The following IFI16 variants were observed in gnomAD, a reference collection of about 807,000 sequenced individuals.
IFI16 encodes interferon gamma inducible protein 16, also known as gamma-interferon-inducible protein 16.
A neutral mutation model predicts 68.4 loss-of-function variants in IFI16; 49 were observed. That is an observed-to-expected ratio of 0.72 (90% CI 0.57 to 0.91). The LOEUF (loss-of-function observed/expected upper bound fraction) is 0.91, where lower values mean the gene tolerates loss of function less well. Among genes scored for constraint, IFI16 ranks in the 40% least tolerant of loss-of-function variants. The pLI, the probability that IFI16 is intolerant of heterozygous loss-of-function variation, is 0.00. For synonymous variants in IFI16, 307 were observed against 315.0 expected (o/e 0.97, Z 0.27); for missense variants, 878 against 942.9 (o/e 0.93, Z 0.90).
chr1:159,015,387 T>G (rs1418918374), intron 2 of IFI16, among the ~76,000 whole-genome samples: 2 of 152,196 alleles, frequency 1.3e-5, no homozygotes, highest in African/African-American at 4.8e-5. Context: ...AAGTGTGATC[T>G]CCTCTCTTGT....
chr1:159,026,439 C>G (rs1653674509), intron 6 of IFI16, among the ~76,000 whole-genome samples: 1 of 152,058 alleles, frequency 6.6e-6, no homozygotes, highest in South Asian at 2.1e-4. Context: ...GCTGGGATTA[C>G]AGGTGCTTGC....
Position 159,053,599 on chromosome 1 carries a change from G to C in IFI16, c.2152G>C (p.Val718Leu). 1 of 1,613,588 alleles carries C rather than the reference G, an allele frequency of 6.2e-7. No homozygotes were observed. Among genetic ancestry groups the C allele is most frequent in the Non-Finnish European group, 8.5e-7 (1 of 1,179,504 alleles). ...QDNTGKMEVV[V>L]HGRLTTINCE... Reference sequence around the variant, plus strand: ...TAATACAGGGAAGATGGAAGTGGTGGTGCATGGACGACTGACCACAATCAA... The same window carrying C: ...TAATACAGGGAAGATGGAAGTGGTGCTGCATGGACGACTGACCACAATCAA... The change falls in exon 11 of 12, where the codon GTG becomes CTG. Residue 718 changes from valine to leucine, a missense_variant. This residue lies in a region of IFI16 where 311 missense variants were observed against 305.1 expected (regional missense o/e 1.02). Coordinates refer to ENST00000295809, the MANE Select transcript of IFI16 (RefSeq NM_001376587.1).
At chr1:159,038,674 T>A (rs1654457861) in intron 7 of IFI16, among the ~76,000 whole-genome samples, 1 of 152,192 alleles carries the variant, frequency 6.6e-6, no homozygotes, top group Non-Finnish European at 1.5e-5. Flanking sequence ...GCTTAAATGT[T>A]CTTAAAGTCT....
Position 159,016,011 on chromosome 1 carries a change from G to T in IFI16, c.381+24G>T, listed in dbSNP as rs202135473. On this transcript the variant is annotated intron_variant, in intron 3 of 11. Transcript: ENST00000295809. ...AGGTAAGCTTCAGGAAGAGGAGCAGGCTTCAAGTCCCACAGAGGAAGCTCT... is the reference window on the plus strand; with the variant it reads ...AGGTAAGCTTCAGGAAGAGGAGCAGTCTTCAAGTCCCACAGAGGAAGCTCT... The T allele has an allele frequency of 2.0e-6, 3 of 1,491,012 alleles. No homozygotes were observed. The African/African-American group carries it at 4.1e-5, about 21-fold the overall frequency. The allele number at this position is 1,491,012 out of a possible 1,614,324, so 92.4% of individuals were successfully genotyped here. A position where few individuals can be genotyped will look rare whatever the true frequency, so the allele number is the denominator to read the frequency against.
chr1:159,029,300 G>A lies in IFI16; in HGVS notation c.1162-3224G>A, dbSNP rs61830003. Among the ~76,000 whole-genome samples, 1,409 of 152,242 alleles carry A rather than the reference G, an allele frequency of 9.3e-3. 10 individuals carry two copies. Among genetic ancestry groups the A allele is most frequent in the Admixed American group, 0.014 (220 of 15,298 alleles). Reference sequence around the variant, plus strand: ...TCGGCTGATAATTGTTTTGTTTAAGGAGGCTAAAGATAGTACTCCAAACCT... The same window carrying A: ...TCGGCTGATAATTGTTTTGTTTAAGAAGGCTAAAGATAGTACTCCAAACCT... On this transcript the variant is annotated intron_variant, in intron 6 of 11. Coordinates refer to ENST00000295809, the MANE Select transcript of IFI16 (RefSeq NM_001376587.1).
At chr1:159,040,744 G>A (rs1654580350) in intron 7 of IFI16, among the ~76,000 whole-genome samples, 1 of 152,050 alleles carries the variant, frequency 6.6e-6, no homozygotes, top group African/African-American at 2.4e-5. Flanking sequence ...TTGCTTGTTG[G>A]GCATTTACTA....
intron 6 of IFI16, among the ~76,000 whole-genome samples, chr1:159,023,045 G>GTTTT (rs1470144996): frequency 6.6e-6 from 1 of 152,022 alleles, no homozygotes; most frequent in African/African-American, 2.4e-5. Context: ...TCAAAGGCAG[G>GTTTT]GAATAATATA....
chr1:159,053,354 G>T (rs1655475310), intron 10 of IFI16, 179 bp from the exon 11 acceptor site: 2 of 428,936 alleles, frequency 4.7e-6, no homozygotes, highest in South Asian at 1.2e-4. Context: ...CTCAAGGGAG[G>T]AGTTGAAAGG....
chr1:159,020,657 C>A, intron 6 of IFI16, 128 bp downstream of exon 6: 1 of 555,952 alleles, frequency 1.8e-6, no homozygotes, highest in Non-Finnish European at 3.1e-6. Flanking sequence ...AGATATTCTC[C>A]TTGTATTCAC....
intron 7 of IFI16, among the ~76,000 whole-genome samples, chr1:159,039,142 C>T (rs747740647): frequency 1.3e-5 from 2 of 152,038 alleles, no homozygotes; most frequent in Non-Finnish European, 2.9e-5. Context: ...GAAATAGAGC[C>T]AGGACTCAAT....
upstream of IFI16, among the ~76,000 whole-genome samples, chr1:159,004,360 A>G (rs2101774579): frequency 6.6e-6 from 1 of 152,162 alleles, no homozygotes; most frequent in Middle Eastern, 3.4e-3. Context: ...TTTTGCCCTT[A>G]TTGCTAAGTA....
At chr1:159,052,337 TG>T in intron 10 of IFI16, 3 of 509,996 alleles carry the variant, frequency 5.9e-6, no homozygotes, top group Non-Finnish European at 1.1e-5. Flanking sequence ...CTAGGAAACT[TG>T]GCATTTTATT....
chr1:159,041,261 C>G (rs1350746528), intron 7 of IFI16, among the ~76,000 whole-genome samples: 1 of 152,188 alleles, frequency 6.6e-6, no homozygotes, highest in Non-Finnish European at 1.5e-5. Context: ...ACTCTCTGTC[C>G]TCACTTGAAC....
At chr1:159,042,554 C>T (rs1342637798) in intron 7 of IFI16, among the ~76,000 whole-genome samples, 1 of 152,090 alleles carries the variant, frequency 6.6e-6, no homozygotes, top group African/African-American at 2.4e-5. Context: ...TCAGTTCTGT[C>T]CCCAGATATC....
chr1:159,042,664 G>C (rs1654728847), intron 7 of IFI16, among the ~76,000 whole-genome samples: 1 of 152,144 alleles, frequency 6.6e-6, no homozygotes, highest in Non-Finnish European at 1.5e-5. Context: ...TGCCTTCATA[G>C]GTACCTTTCT....
intron 7 of IFI16, among the ~76,000 whole-genome samples, chr1:159,039,348 TTTTG>T (rs938000737): frequency 1.6e-4 from 25 of 151,926 alleles, no homozygotes; most frequent in South Asian, 4.2e-4. Context: ...TACATTAGGT[TTTTG>T]TTTGTTTGTT....
chr1:159,019,475 T>A (rs1267160133), intron 5 of IFI16, among the ~76,000 whole-genome samples: 3 of 151,940 alleles, frequency 2.0e-5, no homozygotes, highest in Admixed American at 2.0e-4. Flanking sequence ...TCTTTTTTTT[T>A]TTTTTGAGAC....
At chr1:159,007,321 ATTG>A (rs554900332), upstream of IFI16, among the ~76,000 whole-genome samples, 36 of 152,358 alleles carry the variant, frequency 2.4e-4, no homozygotes, top group Middle Eastern at 6.8e-3. Context: ...TTGTGCTAAT[ATTG>A]TTAAGTGGAG....
intron 7 of IFI16, among the ~76,000 whole-genome samples, chr1:159,034,382 A>G (rs992544821): frequency 6.6e-6 from 1 of 152,172 alleles, no homozygotes. Context: ...TCCTGACTCA[A>G]GAGGATTACT....
Sources: allele counts gnomAD v4.1 joint callset (sites outside exome capture counted in the v4.1 genomes callset), GRCh38; gene constraint gnomAD v4.1.1; regional missense constraint gnomAD v4.1.1; transcripts MANE v1.5; gene names NCBI Gene and HGNC (gene_info 2026-07-23, HGNC 2026-07-21).